The following ARK2N variants were observed in gnomAD, a reference collection of about 807,000 sequenced individuals.
The protein encoded by ARK2N is protein ARK2N.
chr18:46,199,650 T>G, the ARK2N span, among the ~76,000 whole-genome samples: 2 of 152,118 alleles, frequency 1.3e-5, no homozygotes, highest in Non-Finnish European at 2.9e-5. Flanking sequence ...GAGATTACTG[T>G]AGGAGATTTG....
chr18:46,240,281 C>T, the ARK2N span: 1 of 1,344,508 alleles, frequency 7.4e-7, no homozygotes, highest in Non-Finnish European at 1.0e-6. Context: ...GAGAACAGGT[C>T]ATACCAGAGA....
chr18:46,178,676 G>A, the ARK2N span, among the ~76,000 whole-genome samples: 1,846 of 152,162 alleles, frequency 0.012, 33 homozygotes, highest in African/African-American at 0.042. Context: ...ATCCCAGCAC[G>A]TTGGGAGGCT....
the ARK2N span, among the ~76,000 whole-genome samples, chr18:46,211,396 T>C: frequency 0.019 from 2,939 of 152,176 alleles, 74 homozygotes; most frequent in African/African-American, 0.06. Flanking sequence ...TTTGTAGAGA[T>C]GGGGTCTTGC....
At chr18:46,197,291 G>T in the ARK2N span, among the ~76,000 whole-genome samples, 4 of 152,048 alleles carry the variant, frequency 2.6e-5, no homozygotes, top group African/African-American at 9.7e-5. Context: ...CTGGAGTGCA[G>T]TGGTGCAATC....
At chr18:46,188,324 C>T in the ARK2N span, among the ~76,000 whole-genome samples, 18 of 152,208 alleles carry the variant, frequency 1.2e-4, no homozygotes, top group East Asian at 3.9e-4. Flanking sequence ...TCTCAGCCTC[C>T]GGAGCAGCTG....
chr18:46,245,624 T>C, the ARK2N span, among the ~76,000 whole-genome samples: 2 of 151,836 alleles, frequency 1.3e-5, no homozygotes, highest in Admixed American at 1.3e-4. Context: ...TAATTTGCTG[T>C]TTTTAAAGCT....
At chr18:46,182,683 CTTTT>C in the ARK2N span, among the ~76,000 whole-genome samples, 2,427 of 87,948 alleles carry the variant, frequency 0.028, 42 homozygotes, top group East Asian at 0.16. Context: ...AGCCACAGTG[CTTTT>C]TTTTTTTTTT....
chr18:46,175,591 A>AC, the ARK2N span, among the ~76,000 whole-genome samples: 1 of 151,684 alleles, frequency 6.6e-6, no homozygotes, highest in East Asian at 1.9e-4. Context: ...AAAAAAAAAA[A>AC]CACATGGTTC....
the ARK2N span, among the ~76,000 whole-genome samples, chr18:46,204,757 G>A: frequency 6.6e-6 from 1 of 152,030 alleles, no homozygotes; most frequent in Non-Finnish European, 1.5e-5. Context: ...AATGGGCTGT[G>A]CTTTTGTCAG....
the ARK2N span, among the ~76,000 whole-genome samples, chr18:46,244,359 C>G: frequency 2.0e-5 from 3 of 152,026 alleles, no homozygotes; most frequent in Admixed American, 2.0e-4. Context: ...TTTCCATCAG[C>G]CTTCTTGTCA....
chr18:46,200,223 T>C, the ARK2N span, among the ~76,000 whole-genome samples: 6 of 152,170 alleles, frequency 3.9e-5, no homozygotes, highest in Admixed American at 6.6e-5. Flanking sequence ...TTTATCAGTT[T>C]ATGGAAACTG....
chr18:46,218,282 G>T, the ARK2N span: 1 of 152,174 alleles, frequency 6.6e-6, no homozygotes, highest in Admixed American at 6.5e-5. Context: ...AAACACCAGT[G>T]TCTGTTTCTT....
At chr18:46,186,344 C>T in the ARK2N span, among the ~76,000 whole-genome samples, 2 of 151,504 alleles carry the variant, frequency 1.3e-5, no homozygotes, top group African/African-American at 2.4e-5. Context: ...TACAGGTGCA[C>T]GCCACTATGC....
At chr18:46,184,177 A>T in the ARK2N span, among the ~76,000 whole-genome samples, 44 of 152,254 alleles carry the variant, frequency 2.9e-4, no homozygotes, top group African/African-American at 9.9e-4. Context: ...TTTTTAGTAG[A>T]GACGGGGTTT....
chr18:46,177,511 A>T, the ARK2N span, among the ~76,000 whole-genome samples: 3 of 148,112 alleles, frequency 2.0e-5, no homozygotes, highest in African/African-American at 7.5e-5. Flanking sequence ...GGCTCACTGC[A>T]AACTCTGCCT....
the ARK2N span, among the ~76,000 whole-genome samples, chr18:46,187,348 C>CT: frequency 0.64 from 92,978 of 145,412 alleles, 31,107 homozygotes; most frequent in Non-Finnish European, 0.74. Context: ...TGATAACTGT[C>CT]TTTTTTTTTT....
At chr18:46,184,653 G>A in the ARK2N span, among the ~76,000 whole-genome samples, 1 of 152,104 alleles carries the variant, frequency 6.6e-6, no homozygotes, top group African/African-American at 2.4e-5. Flanking sequence ...GCCTAGGAAG[G>A]TAAGGCTGCA....
chr18:46,191,635 G>A, the ARK2N span, among the ~76,000 whole-genome samples: 2 of 152,068 alleles, frequency 1.3e-5, no homozygotes, highest in African/African-American at 4.8e-5. Flanking sequence ...AGAAAGGCAC[G>A]GTTATTGCAA....
chr18:46,254,486 G>T, the ARK2N span, among the ~76,000 whole-genome samples: 1 of 152,194 alleles, frequency 6.6e-6, no homozygotes, highest in Non-Finnish European at 1.5e-5. Context: ...CTGGCCTGCT[G>T]CCTGTTTTAG....
Sources: allele counts gnomAD v4.1 joint callset (sites outside exome capture counted in the v4.1 genomes callset), GRCh38; gene constraint gnomAD v4.1.1; transcripts MANE v1.5; gene names NCBI Gene and HGNC (gene_info 2026-07-23, HGNC 2026-07-21).